The following DOCK3 variants were observed in gnomAD, a reference collection of about 807,000 sequenced individuals.
DOCK3 encodes dedicator of cytokinesis protein 3.
A neutral mutation model predicts 265.6 loss-of-function variants in DOCK3; 60 were observed. The ratio of observed to expected loss-of-function variants is 0.23; its 90% CI spans 0.18 to 0.28. The LOEUF is 0.28. Among genes scored for constraint, DOCK3 ranks in the 10% least tolerant of loss-of-function variants. The pLI, the probability that DOCK3 is intolerant of heterozygous loss-of-function variation, is 1.00. For synonymous variants in DOCK3, 881 were observed against 938.0 expected, an observed-to-expected ratio of 0.94 and a Z score of 1.11; for missense variants, 1,981 against 2,594.3, an observed-to-expected ratio of 0.76 and a Z score of 5.14.
At chr3:50,735,540 G>A (rs919323998) in intron 1 of DOCK3, among the ~76,000 whole-genome samples, 18 of 152,054 alleles carry the variant, frequency 1.2e-4, no homozygotes, top group African/African-American at 4.3e-4. Context: ...GTTTCACCAT[G>A]TTGGCCAGGC....
chr3:50,694,578 G>T (rs1014277076), intron 1 of DOCK3, among the ~76,000 whole-genome samples: 1 of 152,218 alleles, frequency 6.6e-6, no homozygotes, highest in African/African-American at 2.4e-5. Flanking sequence ...GGAGGCCAAA[G>T]CGGGCAGATC....
At chr3:51,105,309 A>C (rs2083241105) in intron 9 of DOCK3, among the ~76,000 whole-genome samples, 2 of 152,164 alleles carry the variant, frequency 1.3e-5, no homozygotes, top group Admixed American at 1.3e-4. Flanking sequence ...TGAGGATCTC[A>C]TAGTGCACAG....
chr3:51,232,276 C>G (rs564007515), intron 19 of DOCK3, among the ~76,000 whole-genome samples: 18 of 152,314 alleles, frequency 1.2e-4, no homozygotes, highest in Admixed American at 4.6e-4. Flanking sequence ...TTATCCCTCA[C>G]TACCTTCCTA....
chr3:50,876,716 G>A (rs1247805310), intron 3 of DOCK3: 5 of 153,010 alleles, frequency 3.3e-5, no homozygotes, highest in Non-Finnish European at 7.3e-5. Context: ...TTAAAAATTT[G>A]GCTGACAATT....
chr3:50,741,457 A>G (rs1328706205), intron 1 of DOCK3, among the ~76,000 whole-genome samples: 1 of 122,224 alleles, frequency 8.2e-6, no homozygotes, highest in Non-Finnish European at 1.6e-5. Flanking sequence ...GCAGAGTGTG[A>G]TGTTCCCCTC....
intron 10 of DOCK3, among the ~76,000 whole-genome samples, chr3:51,149,318 C>G (rs1339760164): frequency 1.3e-5 from 2 of 152,062 alleles, no homozygotes; most frequent in Non-Finnish European, 2.9e-5. Context: ...TTTCCTAATT[C>G]AGTACCCTTT....
chr3:51,132,307 A>G (rs769284326), intron 9 of DOCK3, among the ~76,000 whole-genome samples: 2 of 152,062 alleles, frequency 1.3e-5, no homozygotes, highest in African/African-American at 4.8e-5. Context: ...ATTTCTGTTT[A>G]TATAAATTAG....
chr3:51,263,444 C>T (rs192603112), intron 23 of DOCK3, among the ~76,000 whole-genome samples: 34 of 152,234 alleles, frequency 2.2e-4, no homozygotes, highest in Middle Eastern at 3.4e-3. Context: ...AAGGAAAAAC[C>T]GGTACCAGCC....
At chr3:51,108,486 C>T (rs2083383126) in intron 9 of DOCK3, among the ~76,000 whole-genome samples, 1 of 152,098 alleles carries the variant, frequency 6.6e-6, no homozygotes, top group Non-Finnish European at 1.5e-5. Flanking sequence ...CACAAGTTAG[C>T]AAATAGCTTA....
chr3:50,951,842 A>T (rs1304394586), intron 5 of DOCK3, among the ~76,000 whole-genome samples: 3 of 152,172 alleles, frequency 2.0e-5, no homozygotes, highest in Non-Finnish European at 4.4e-5. Context: ...GGCGTAATGC[A>T]CTTGATTTCA....
intron 1 of DOCK3, among the ~76,000 whole-genome samples, chr3:50,736,474 G>A (rs981658863): frequency 2.6e-4 from 40 of 152,080 alleles, no homozygotes; most frequent in African/African-American, 7.2e-4. Context: ...AGGAATCGCC[G>A]CACTGTCTTC....
chr3:51,362,069 A>C (rs2086779522), intron 48 of DOCK3, 72 bp downstream of exon 48: 1 of 1,503,828 alleles, frequency 6.6e-7, no homozygotes. Flanking sequence ...TGCAATGTCT[A>C]GTCTGAGGGC....
intron 23 of DOCK3, among the ~76,000 whole-genome samples, chr3:51,260,995 A>AG (rs1349275020): frequency 6.6e-6 from 1 of 152,084 alleles, no homozygotes; most frequent in Admixed American, 6.6e-5. Flanking sequence ...AAAAAGAAAA[A>AG]GAAAAAAAAA....
At chr3:50,997,485 C>G (rs2078326639) in intron 5 of DOCK3, among the ~76,000 whole-genome samples, 1 of 152,018 alleles carries the variant, frequency 6.6e-6, no homozygotes, top group Non-Finnish European at 1.5e-5. Flanking sequence ...GAGAGGCACA[C>G]TCCAAAAATA....
chr3:51,176,461 A>AT (rs1311981678), intron 12 of DOCK3, among the ~76,000 whole-genome samples: 121 of 41,370 alleles, frequency 2.9e-3, no homozygotes, highest in African/African-American at 0.011. Context: ...ACTAAAAAAT[A>AT]AAAAAAAAAA....
chr3:50,789,722 T>TTTTG (rs777825353), intron 2 of DOCK3, among the ~76,000 whole-genome samples: 4 of 152,154 alleles, frequency 2.6e-5, no homozygotes, highest in East Asian at 1.9e-4. Flanking sequence ...TTTAAATCTT[T>TTTTG]TTTGTTTGTT....
At chr3:51,305,270 C>T (rs572231903) in intron 27 of DOCK3, among the ~76,000 whole-genome samples, 1 of 152,282 alleles carries the variant, frequency 6.6e-6, no homozygotes, top group South Asian at 2.1e-4. Context: ...ATAATTACGA[C>T]TTCCAGACAT....
intron 5 of DOCK3, among the ~76,000 whole-genome samples, chr3:51,046,174 G>A (rs1167421139): frequency 1.3e-5 from 2 of 151,896 alleles, no homozygotes; most frequent in Admixed American, 1.3e-4. Context: ...AGAGGAGGAG[G>A]GGAACAACAT....
At chr3:50,711,789 C>G (rs964796530) in intron 1 of DOCK3, among the ~76,000 whole-genome samples, 1 of 152,102 alleles carries the variant, frequency 6.6e-6, no homozygotes, top group Admixed American at 6.5e-5. Flanking sequence ...TCCAGAGAAG[C>G]CATCTGGGCT....
Sources: allele counts gnomAD v4.1 joint callset (sites outside exome capture counted in the v4.1 genomes callset), GRCh38; gene constraint gnomAD v4.1.1; transcripts MANE v1.5; gene names NCBI Gene and HGNC (gene_info 2026-07-23, HGNC 2026-07-21).